RBFOX1: variants seen among roughly 807,000 people sequenced by gnomAD.
RBFOX1 encodes RNA binding protein fox-1 homolog 1.
In RBFOX1, 8 loss-of-function variants were observed where a neutral mutation model predicts 57.7. The ratio of observed to expected loss-of-function variants is 0.14; its 90% CI spans 0.08 to 0.25. The LOEUF is 0.25. Among genes scored for constraint, RBFOX1 ranks in the 10% least tolerant of loss-of-function variants. The pLI is 1.00. For synonymous variants in RBFOX1, 326 were observed against 222.4 expected (o/e 1.47, Z -4.15); for missense variants, 611 against 548.5 (o/e 1.11, Z -1.14).
chr16:6,973,125 C>G (rs1485183815), intron 3 of RBFOX1, among the ~76,000 whole-genome samples: 1 of 145,258 alleles, frequency 6.9e-6, no homozygotes, highest in Non-Finnish European at 1.5e-5. Context: ...AGCAAGACTC[C>G]ATTGTCTAAA....
chr16:6,340,366 C>T (rs1283808691), intron 2 of RBFOX1, among the ~76,000 whole-genome samples: 1 of 152,000 alleles, frequency 6.6e-6, no homozygotes, highest in East Asian at 1.9e-4. Context: ...GTTCTTGGAT[C>T]TCAAGCAAGA....
At chr16:6,931,295 G>GTATCTA (rs2076473743) in intron 3 of RBFOX1, among the ~76,000 whole-genome samples, 1 of 136,158 alleles carries the variant, frequency 7.3e-6, no homozygotes, top group East Asian at 2.2e-4. Context: ...CTGTCTGTCT[G>GTATCTA]TCTATCTATC....
intron 3 of RBFOX1, among the ~76,000 whole-genome samples, chr16:6,933,548 A>C (rs1280638750): frequency 1.3e-5 from 2 of 152,168 alleles, no homozygotes; most frequent in Non-Finnish European, 2.9e-5. Flanking sequence ...TCTCTTCTCT[A>C]CTAAAAATGC....
intron 3 of RBFOX1, among the ~76,000 whole-genome samples, chr16:6,794,283 T>TC (rs1163387704): frequency 4.8e-5 from 7 of 145,252 alleles, no homozygotes; most frequent in African/African-American, 1.7e-4. Context: ...GTTCGTGATT[T>TC]TTTTTTTTTT....
intron 2 of RBFOX1, among the ~76,000 whole-genome samples, chr16:6,503,331 G>T (rs922686218): frequency 1.3e-5 from 2 of 152,178 alleles, no homozygotes; most frequent in African/African-American, 4.8e-5. Flanking sequence ...AAAGGAGATT[G>T]TAGAAGCCTG....
At chr16:6,969,239 TCTTGGGAAGAC>T (rs1257143012) in intron 3 of RBFOX1, among the ~76,000 whole-genome samples, 1 of 152,172 alleles carries the variant, frequency 6.6e-6, no homozygotes, top group Non-Finnish European at 1.5e-5. Flanking sequence ...ATAATGAAGT[TCTTGGGAAGAC>T]CTTGGAGATT....
intron 15 of RBFOX1, chr16:7,709,745 TTGGGAGGGGGTGGGGGGAGGGTAAAAAA>T (rs2083636381): frequency 1.2e-5 from 3 of 240,784 alleles, no homozygotes; most frequent in Non-Finnish European, 1.6e-5. Context: ...GGTTTTTGTT[TTGGGAGGGGGTGGGGGGAGGGTAAAAAA>T]TGGGAGGTAA....
intron 3 of RBFOX1, among the ~76,000 whole-genome samples, chr16:7,036,519 G>T (rs1568472192): frequency 6.6e-6 from 1 of 151,746 alleles, no homozygotes; most frequent in Non-Finnish European, 1.5e-5. Flanking sequence ...GACCAGCCTG[G>T]GTGTCTGTAC....
intron 3 of RBFOX1, among the ~76,000 whole-genome samples, chr16:6,701,606 G>C (rs183429250): frequency 9.2e-5 from 14 of 152,142 alleles, no homozygotes; most frequent in Middle Eastern, 3.4e-3. Flanking sequence ...GAGAGGAGGA[G>C]GTGCCAGGCT....
At chr16:7,301,871 T>C (rs2096043681) in intron 4 of RBFOX1, among the ~76,000 whole-genome samples, 1 of 152,144 alleles carries the variant, frequency 6.6e-6, no homozygotes, top group Non-Finnish European at 1.5e-5. Context: ...ATTCCATTCG[T>C]GTTCTGTGGA....
chr16:6,211,390 G>A (rs965557357), intron 1 of RBFOX1, among the ~76,000 whole-genome samples: 16 of 151,716 alleles, frequency 1.1e-4, no homozygotes, highest in Admixed American at 7.2e-4. Context: ...CACCACACCC[G>A]GCTAATTTTT....
chr16:5,596,715 G>A (rs896799264), intron 2 of RBFOX1, among the ~76,000 whole-genome samples: 35 of 152,198 alleles, frequency 2.3e-4, no homozygotes, highest in Non-Finnish European at 3.8e-4. Flanking sequence ...AAGTGGGACT[G>A]AAAAGAAAGT....
chr16:7,366,694 C>A (rs1412180410), intron 4 of RBFOX1, among the ~76,000 whole-genome samples: 3 of 151,288 alleles, frequency 2.0e-5, no homozygotes, highest in African/African-American at 7.3e-5. Context: ...CTGCATTGTG[C>A]TAAGCCCTAT....
At chr16:7,423,564 C>A (rs937337996) in intron 4 of RBFOX1, among the ~76,000 whole-genome samples, 30 of 152,108 alleles carry the variant, frequency 2.0e-4, no homozygotes, top group African/African-American at 7.2e-4. Context: ...TTTCACAGTC[C>A]TACCCTCACA....
At chr16:6,678,694 C>G (rs1026538260) in intron 3 of RBFOX1, among the ~76,000 whole-genome samples, 4 of 151,650 alleles carry the variant, frequency 2.6e-5, no homozygotes, top group African/African-American at 9.7e-5. Flanking sequence ...GTAGGGAATC[C>G]TTTAAGCTCT....
At chr16:5,363,599 A>T (rs1455835470) in intron 1 of RBFOX1, among the ~76,000 whole-genome samples, 4 of 152,194 alleles carry the variant, frequency 2.6e-5, no homozygotes, top group Admixed American at 2.6e-4. Context: ...AGTTGACCTG[A>T]CTTTTCCCAA....
chr16:6,009,802 A>ATGTGTGTATGTGTCTGTG (rs2094949638), intron 4 of RBFOX1, among the ~76,000 whole-genome samples: 1 of 58,562 alleles, frequency 1.7e-5, no homozygotes, highest in East Asian at 8.8e-4. Flanking sequence ...CAGTGTGTGT[A>ATGTGTGTATGTGTCTGTG]TGTGTGTGTG....
intron 3 of RBFOX1, among the ~76,000 whole-genome samples, chr16:5,661,535 T>C (rs1370339118): frequency 1.3e-5 from 2 of 152,240 alleles, no homozygotes; most frequent in Non-Finnish European, 2.9e-5. Context: ...CTATTAAGTT[T>C]TTAAGATTTA....
intron 9 of RBFOX1, among the ~76,000 whole-genome samples, chr16:7,599,141 G>C (rs567147536): frequency 6.6e-6 from 1 of 152,236 alleles, no homozygotes; most frequent in East Asian, 1.9e-4. Flanking sequence ...TAAATGCCCA[G>C]TGCTGAACTG....
Sources: allele counts gnomAD v4.1 joint callset (sites outside exome capture counted in the v4.1 genomes callset), GRCh38; gene constraint gnomAD v4.1.1; transcripts MANE v1.5; gene names NCBI Gene and HGNC (gene_info 2026-07-23, HGNC 2026-07-21).